Variants in MEI4 observed in about 807,000 individuals in gnomAD.
MEI4 encodes the protein meiotic double-stranded break formation protein 4.
MEI4 carries 27 observed loss-of-function variants against 31.4 expected under a neutral mutation model. That is an observed-to-expected ratio of 0.86 (90% CI 0.63 to 1.19). The LOEUF is 1.19. Among genes scored for constraint, MEI4 ranks in the 50% most tolerant of loss-of-function variants. The pLI, the probability that MEI4 is intolerant of heterozygous loss-of-function variation, is 0.00. For synonymous variants in MEI4, 122 were observed against 145.4 expected, an observed-to-expected ratio of 0.84 and a Z score of 1.16; for missense variants, 329 against 398.9, an observed-to-expected ratio of 0.82 and a Z score of 1.49.
chr6:77,829,450 A>G (rs923138449), intron 4 of MEI4, among the ~76,000 whole-genome samples: 2 of 152,154 alleles, frequency 1.3e-5, no homozygotes, highest in Non-Finnish European at 2.9e-5. Context: ...TGTATTGCTC[A>G]TGAAAATCAT....
chr6:77,782,009 A>G (rs1177099602), intron 3 of MEI4, among the ~76,000 whole-genome samples: 2 of 152,186 alleles, frequency 1.3e-5, no homozygotes, highest in South Asian at 2.1e-4. Context: ...CTGCACTCTC[A>G]ATAGAAATCA....
chr6:77,745,566 CAG>C (rs1767574349), intron 2 of MEI4, among the ~76,000 whole-genome samples: 1 of 152,130 alleles, frequency 6.6e-6, no homozygotes, highest in African/African-American at 2.4e-5. Context: ...ATCAGTGAGA[CAG>C]AAAGTTAACA....
chr6:77,733,174 A>G (rs1315423661), intron 2 of MEI4, among the ~76,000 whole-genome samples: 6 of 151,726 alleles, frequency 4.0e-5, no homozygotes, highest in Non-Finnish European at 8.8e-5. Context: ...CTCTTTTTCT[A>G]TTGATTGGAA....
intron 3 of MEI4, among the ~76,000 whole-genome samples, chr6:77,797,786 C>A (rs901025013): frequency 6.6e-6 from 1 of 152,094 alleles, no homozygotes; most frequent in Non-Finnish European, 1.5e-5. Flanking sequence ...CTGGATGGTG[C>A]CCACCCACGT....
chr6:77,696,455 T>A (rs866259502), intron 2 of MEI4, among the ~76,000 whole-genome samples: 25 of 152,138 alleles, frequency 1.6e-4, no homozygotes, highest in African/African-American at 6.0e-4. Flanking sequence ...ACCTAATTTA[T>A]TGAGAGTTTT....
chr6:77,679,973 T>A (rs1768921764), intron 1 of MEI4, among the ~76,000 whole-genome samples: 1 of 151,484 alleles, frequency 6.6e-6, no homozygotes, highest in African/African-American at 2.4e-5. Flanking sequence ...ACTCCTGACC[T>A]CGTGATCTGC....
At chr6:77,696,803 T>G (rs989126923) in intron 2 of MEI4, among the ~76,000 whole-genome samples, 3 of 152,144 alleles carry the variant, frequency 2.0e-5, no homozygotes, top group African/African-American at 7.2e-5. Flanking sequence ...GAGGATTCCC[T>G]CTTTTTCTAT....
chr6:77,811,649 C>A (rs535448496), intron 3 of MEI4, among the ~76,000 whole-genome samples: 1 of 151,930 alleles, frequency 6.6e-6, no homozygotes, highest in African/African-American at 2.4e-5. Flanking sequence ...GTGGTGGACA[C>A]CTTTAATCCC....
At chr6:77,768,080 C>A (rs1490147454) in intron 3 of MEI4, among the ~76,000 whole-genome samples, 1 of 152,128 alleles carries the variant, frequency 6.6e-6, no homozygotes, top group Non-Finnish European at 1.5e-5. Flanking sequence ...TTACTATCTT[C>A]AGTTTATAGA....
At chr6:77,814,430 T>C (rs1432181016) in intron 3 of MEI4, among the ~76,000 whole-genome samples, 3 of 152,130 alleles carry the variant, frequency 2.0e-5, no homozygotes, top group African/African-American at 7.2e-5. Context: ...TAAATCCTGT[T>C]AGAAAATTGT....
chr6:77,786,242 G>C (rs940985351), intron 3 of MEI4, among the ~76,000 whole-genome samples: 1 of 152,048 alleles, frequency 6.6e-6, no homozygotes, highest in Non-Finnish European at 1.5e-5. Context: ...CAAATTTTGA[G>C]TGACTGTCAT....
At chr6:77,677,279 A>G (rs978530613) in intron 1 of MEI4, among the ~76,000 whole-genome samples, 3 of 152,072 alleles carry the variant, frequency 2.0e-5, no homozygotes, top group Admixed American at 6.5e-5. Context: ...CTCAATATCC[A>G]TCTCTTTTCT....
chr6:77,867,980 ACACCGCATGTTCT>A (rs1455659348), intron 4 of MEI4, among the ~76,000 whole-genome samples: 1 of 151,386 alleles, frequency 6.6e-6, no homozygotes, highest in Non-Finnish European at 1.5e-5. Context: ...AAAAAACCAA[ACACCGCATGTTCT>A]CACTCATAGG....
chr6:77,813,865 G>A (rs2127705767), intron 3 of MEI4, among the ~76,000 whole-genome samples: 1 of 152,152 alleles, frequency 6.6e-6, no homozygotes, highest in East Asian at 1.9e-4. Context: ...ATTTTAAAAT[G>A]TCATTGGACC....
rs921084270 is a variant in MEI4 at position 77,753,392 on chromosome 6, A to T, written c.233-7738A>T. On this transcript the variant is annotated intron_variant, in intron 2 of 4. Coordinates refer to ENST00000684080, the MANE Select transcript of MEI4 (RefSeq NM_001322247.2). ...AATATCCAGAATCTACAAAGAACTT[A>T]AACAAATTTACAAGAAAAAAAAACA... 1.9e-4 allele frequency among the ~76,000 whole-genome samples: 29 copies of T among 152,266 alleles called. 1 individual carries two copies. Among genetic ancestry groups the T allele is most frequent in the Admixed American group, 1.2e-3 (19 of 15,282 alleles).
intron 2 of MEI4, among the ~76,000 whole-genome samples, chr6:77,700,618 G>T (rs1008268899): frequency 1.3e-5 from 2 of 152,158 alleles, no homozygotes; most frequent in Non-Finnish European, 1.5e-5. Context: ...TGACTGTCTG[G>T]CACTCCCTAG....
At chr6:77,825,698 ACAT>A (rs1769929766) in intron 3 of MEI4, among the ~76,000 whole-genome samples, 1 of 152,222 alleles carries the variant, frequency 6.6e-6, no homozygotes, top group Non-Finnish European at 1.5e-5. Flanking sequence ...AGTAGATACA[ACAT>A]ATATATGTCT....
chr6:77,846,755 A>G (rs902488723), intron 4 of MEI4, among the ~76,000 whole-genome samples: 1 of 152,148 alleles, frequency 6.6e-6, no homozygotes, highest in Non-Finnish European at 1.5e-5. Flanking sequence ...GGAATTCTGT[A>G]CCGTTAACTA....
At chr6:77,804,021 C>G (rs908141978) in intron 3 of MEI4, among the ~76,000 whole-genome samples, 1 of 152,194 alleles carries the variant, frequency 6.6e-6, no homozygotes, top group South Asian at 2.1e-4. Context: ...ACATTTATGT[C>G]TGCAGAGGTT....
Sources: allele counts gnomAD v4.1 joint callset (sites outside exome capture counted in the v4.1 genomes callset), GRCh38; gene constraint gnomAD v4.1.1; transcripts MANE v1.5; gene names NCBI Gene and HGNC (gene_info 2026-07-23, HGNC 2026-07-21).